The following B4GALNT3 variants were observed in gnomAD, a reference collection of about 807,000 sequenced individuals.
B4GALNT3 encodes the protein beta-1,4-N-acetyl-galactosaminyltransferase 3.
A neutral mutation model predicts 120.2 loss-of-function variants in B4GALNT3; 86 were observed. The ratio of observed to expected loss-of-function variants is 0.72; its 90% CI spans 0.60 to 0.86. B4GALNT3 has a LOEUF of 0.86. Among genes scored for constraint, B4GALNT3 ranks in the 40% least tolerant of loss-of-function variants. The probability of loss-of-function intolerance (pLI) is 0.00; values close to 1 mark genes in which losing one functional copy is unlikely to be tolerated. For missense variants in B4GALNT3, 1,167 were observed against 1,298.9 expected (o/e 0.90, Z 1.56); for synonymous variants, 518 against 510.4 (o/e 1.01, Z -0.20).
Position 550,747 on chromosome 12 carries a change from A to G in B4GALNT3, c.998-175A>G, listed in dbSNP as rs1947071633. On this transcript the variant is annotated intron_variant, in intron 10 of 19. Coordinates refer to ENST00000266383, the MANE Select transcript of B4GALNT3 (RefSeq NM_173593.4). The surrounding 1 kb of genome is among the most constrained non-coding windows in gnomAD (Gnocchi z 4.1). ...TCCTCTGCTGCCAGGGTGCTCCTCA[A>G]ATGGCCCTGCTCCAGGTGCGTGGGG... is the stretch of plus-strand genomic sequence containing the variant. 6.6e-6 allele frequency among the ~76,000 whole-genome samples: 1 copy of G among 152,142 alleles called. No individual in the cohort carries two copies. Among genetic ancestry groups the G allele is most frequent in the Non-Finnish European group, 1.5e-5 (1 of 68,022 alleles).
At chr12:462,556 C>G (rs978293636) in intron 1 of B4GALNT3, among the ~76,000 whole-genome samples, 1 of 151,660 alleles carries the variant, frequency 6.6e-6, no homozygotes, top group Non-Finnish European at 1.5e-5. Context: ...TTTTCTTTTC[C>G]AAACCAATTA....
At chr12:555,938 C>T (rs924071106) in intron 14 of B4GALNT3, among the ~76,000 whole-genome samples, 3 of 151,306 alleles carry the variant, frequency 2.0e-5, no homozygotes, top group East Asian at 1.9e-4. Context: ...TGCCCACCAC[C>T]ACACCTGGCT....
At chr12:546,052 G>A (rs1465751848) in intron 6 of B4GALNT3, among the ~76,000 whole-genome samples, 5 of 144,530 alleles carry the variant, frequency 3.5e-5, no homozygotes, top group Non-Finnish European at 6.1e-5. Context: ...GAGTAGGGAG[G>A]AGTGAAGAGT....
chr12:492,727 A>G (rs76174710), intron 1 of B4GALNT3, among the ~76,000 whole-genome samples: 1,701 of 152,336 alleles, frequency 0.011, 24 homozygotes, highest in African/African-American at 0.038. Flanking sequence ...ACGGAGCTAC[A>G]GTAATGAAGA....
intron 19 of B4GALNT3, among the ~76,000 whole-genome samples, chr12:559,974 G>C (rs1244567483): frequency 6.6e-6 from 1 of 152,176 alleles, no homozygotes; most frequent in Non-Finnish European, 1.5e-5. Context: ...TCAATGAGAT[G>C]AAAAGCCTCA....
At chr12:512,402 G>C (rs1401366847) in intron 1 of B4GALNT3, among the ~76,000 whole-genome samples, 19 of 43,584 alleles carry the variant, frequency 4.4e-4, no homozygotes, top group Non-Finnish European at 4.6e-4. Context: ...TTCCACCTTT[G>C]ACCTTCCACC....
chr12:518,928 T>G (rs983740021), intron 1 of B4GALNT3, among the ~76,000 whole-genome samples: 2 of 152,242 alleles, frequency 1.3e-5, no homozygotes, highest in Non-Finnish European at 2.9e-5. Context: ...ACTGACGATA[T>G]ACATAATAGA....
rs756028898 is a variant in B4GALNT3, at chr12:551,010, G to C, written c.1086G>C (p.Gln362His). 1.9e-6 allele frequency: 3 copies of C among 1,613,046 alleles called. No individual in the cohort carries two copies. The highest frequency in any genetic ancestry group is 2.5e-6 in the Non-Finnish European group (3 of 1,178,962). The change falls in exon 11 of 20, where the codon CAG becomes CAC. Residue 362 changes from glutamine (Q) to histidine (H), a missense_variant. This residue lies in a region of B4GALNT3 where 983 missense variants were observed against 1,102.5 expected (regional missense o/e 0.89). Coordinates refer to ENST00000266383, the MANE Select transcript of B4GALNT3 (RefSeq NM_173593.4). Reference sequence around the variant, plus strand: ...ATCTGGTGGATGGGCTTCCTCTGCAGCGCTACCAGGGACTCCGGTTTGTAA... The same window carrying C: ...ATCTGGTGGATGGGCTTCCTCTGCACCGCTACCAGGGACTCCGGTTTGTAA... ...PSYLVDGLPLQRYQGLRFVHL... is the reference protein window; with the variant it reads ...PSYLVDGLPLHRYQGLRFVHL...
At chr12:465,226 C>T (rs1479399740) in intron 1 of B4GALNT3, among the ~76,000 whole-genome samples, 2 of 152,228 alleles carry the variant, frequency 1.3e-5, no homozygotes, top group East Asian at 1.9e-4. Context: ...TTCACGTGTC[C>T]GGTTTATCGC....
intron 1 of B4GALNT3, among the ~76,000 whole-genome samples, chr12:500,138 T>TA (rs902905182): frequency 2.0e-5 from 3 of 151,964 alleles, no homozygotes; most frequent in African/African-American, 7.3e-5. Context: ...AAGCAGCTTT[T>TA]TTTTTTACGT....
At chr12:469,471 C>T (rs1257235826) in intron 1 of B4GALNT3, among the ~76,000 whole-genome samples, 1 of 152,172 alleles carries the variant, frequency 6.6e-6, no homozygotes, top group Non-Finnish European at 1.5e-5. Context: ...TTAAACTTCT[C>T]AGCCCATGAC....
At chr12:542,344 C>G (rs903142377) in intron 3 of B4GALNT3, among the ~76,000 whole-genome samples, 1 of 152,212 alleles carries the variant, frequency 6.6e-6, no homozygotes, top group Non-Finnish European at 1.5e-5. Flanking sequence ...GGAGTTATTC[C>G]CTGCCCCCTC....
chr12:539,980 T>G (rs552443816), intron 3 of B4GALNT3, among the ~76,000 whole-genome samples: 1 of 152,348 alleles, frequency 6.6e-6, no homozygotes, highest in South Asian at 2.1e-4. Context: ...GTTCCTGGTG[T>G]GTAGGAACCG....
rs757547766 is a variant in B4GALNT3, at chr12:535,257, G to T, written c.261G>T (p.Arg87Ser). The change falls in exon 2 of 20, where the codon AGG becomes AGT. Residue 87 changes from arginine to serine, a missense_variant. Arg to Ser is a moderately radical substitution (Grantham distance 110). Transcript: ENST00000266383. ...ACCTCCAGTTCTACCATCCCCAGAG[G>T]CTGAGCCTCGAGGTAGGTGACCAGC... ...DPHLQFYHPQ[R>S]LSLEDHDIDQ... The T allele has an allele frequency of 1.9e-6, 3 of 1,613,904 alleles. No individual in the cohort carries two copies. Among genetic ancestry groups the T allele is most frequent in the Non-Finnish European group, 2.5e-6 (3 of 1,179,944 alleles).
At chr12:555,157 G>A (rs1947137150) in intron 14 of B4GALNT3, 2 of 314,360 alleles carry the variant, frequency 6.4e-6, no homozygotes, top group East Asian at 8.7e-5. Flanking sequence ...CAGCCTGGGC[G>A]ACAGAGTGAG....
intron 1 of B4GALNT3, among the ~76,000 whole-genome samples, chr12:482,746 G>C (rs1179329205): frequency 6.6e-6 from 1 of 152,070 alleles, no homozygotes; most frequent in African/African-American, 2.4e-5. Context: ...CTATAGTTCC[G>C]GCTACTCAGG....
chr12:535,361 C>A, intron 2 of B4GALNT3, 92 bp downstream of exon 2: 1 of 1,051,688 alleles, frequency 9.5e-7, no homozygotes, highest in Non-Finnish European at 1.4e-6. Flanking sequence ...ACCTCTGCTA[C>A]TCTGGGAGGA....
chr12:554,201 G>A (rs1473297052), intron 14 of B4GALNT3, among the ~76,000 whole-genome samples: 1 of 152,264 alleles, frequency 6.6e-6, no homozygotes, highest in Non-Finnish European at 1.5e-5. Context: ...ATTAGGCAAG[G>A]TTCTGAAATC....
chr12:506,759 C>G (rs1440539238), intron 1 of B4GALNT3, among the ~76,000 whole-genome samples: 3 of 152,194 alleles, frequency 2.0e-5, no homozygotes, highest in East Asian at 3.9e-4. Flanking sequence ...GCCTCAGCCT[C>G]CCGAGTAGCT....
Sources: gnomAD v4.1 joint callset for allele counts (sites outside exome capture counted in the v4.1 genomes callset) on GRCh38, gnomAD v4.1.1 for gene constraint, gnomAD v4.1.1 regional missense constraint, Gnocchi (gnomAD v3.1) non-coding constraint, MANE v1.5 for transcripts, NCBI Gene and HGNC (gene_info 2026-07-23, HGNC 2026-07-21) for gene names.